The following PLCL2 variants were observed in gnomAD, a reference collection of about 807,000 sequenced individuals.
The protein encoded by PLCL2 is phospholipase C like 2.
Under a neutral mutation model 79.6 loss-of-function variants are expected in PLCL2, and 4 were observed. The observed-to-expected ratio is 0.05, with a 90% CI of 0.02 to 0.11. PLCL2 has a LOEUF of 0.11. PLCL2 is among the 10% of genes least tolerant of loss of function. The pLI is 1.00. For synonymous variants in PLCL2, 484 were observed against 457.7 expected, an observed-to-expected ratio of 1.06 and a Z score of -0.73; for missense variants, 895 against 1,291.0, an observed-to-expected ratio of 0.69 and a Z score of 4.70.
intron 1 of PLCL2, among the ~76,000 whole-genome samples, chr3:16,902,820 C>G (rs12489091): frequency 0.65 from 90,589 of 139,052 alleles, 29,554 homozygotes; most frequent in East Asian, 0.86. Context: ...GAGCTACACT[C>G]CATCTCAAAA....
At chr3:16,955,245 G>A (rs1393490538) in intron 1 of PLCL2, among the ~76,000 whole-genome samples, 1 of 152,128 alleles carries the variant, frequency 6.6e-6, no homozygotes, top group Non-Finnish European at 1.5e-5. Flanking sequence ...TTCTACATAT[G>A]GCTAGCCAGT....
At chr3:16,987,032 G>C (rs780398886) in intron 1 of PLCL2, among the ~76,000 whole-genome samples, 2 of 151,304 alleles carry the variant, frequency 1.3e-5, no homozygotes, top group African/African-American at 4.8e-5. Flanking sequence ...TGGGGTCTGG[G>C]TGCCAGACCC....
intron 1 of PLCL2, among the ~76,000 whole-genome samples, chr3:16,962,485 TTAA>T (rs2063764438): frequency 6.6e-6 from 1 of 151,910 alleles, no homozygotes; most frequent in Admixed American, 6.6e-5. Context: ...GTTCTCAATA[TTAA>T]TAATTCAGAG....
At chr3:16,939,994 A>G (rs1276272860) in intron 1 of PLCL2, among the ~76,000 whole-genome samples, 1 of 152,186 alleles carries the variant, frequency 6.6e-6, no homozygotes, top group African/African-American at 2.4e-5. Context: ...TTAAAAATCC[A>G]TATTTGAGAC....
chr3:17,083,692 A>G (rs1451567023), intron 5 of PLCL2, among the ~76,000 whole-genome samples: 1 of 152,176 alleles, frequency 6.6e-6, no homozygotes, highest in Non-Finnish European at 1.5e-5. Flanking sequence ...CTTTATATAT[A>G]TGTTTTGAAG....
At chr3:16,951,866 G>GT (rs1414855289) in intron 1 of PLCL2, among the ~76,000 whole-genome samples, 1 of 152,060 alleles carries the variant, frequency 6.6e-6, no homozygotes, top group Non-Finnish European at 1.5e-5. Context: ...GTTTGGGAAT[G>GT]TTTTTGAGTG....
In PLCL2 at chr3:17,014,905, T is replaced by C. The variant is rs1414464266; in HGVS notation, c.3012T>C (p.Tyr1004=). 1.9e-6 allele frequency: 3 copies of C among 1,612,374 alleles called. No individual in the cohort carries two copies. Among genetic ancestry groups the C allele is most frequent in the Admixed American group, 3.3e-5 (2 of 60,022 alleles). ...TTCTGAAGAAGATCGTAACAACTTATGACATGGTGAGTTGTCCTTTGTCCG... is the reference window on the plus strand; with the variant it reads ...TTCTGAAGAAGATCGTAACAACTTACGACATGGTGAGTTGTCCTTTGTCCG... ...PEVLKKIVTT[Y]DMMIQSLKAL... Residue 1004 remains tyrosine (Y), a synonymous_variant, in exon 3 of 6, where the codon TAT becomes TAC. Transcript: ENST00000615277.
chr3:16,978,561 TC>T (rs1486858627), intron 1 of PLCL2, among the ~76,000 whole-genome samples: 1 of 152,220 alleles, frequency 6.6e-6, no homozygotes, highest in Non-Finnish European at 1.5e-5. Flanking sequence ...CTTTTGCAGT[TC>T]AGTGGGTTTG....
intron 3 of PLCL2, among the ~76,000 whole-genome samples, chr3:17,023,263 C>T (rs1308931242): frequency 2.0e-5 from 3 of 152,214 alleles, no homozygotes; most frequent in Non-Finnish European, 4.4e-5. Flanking sequence ...ATTCCCTTGG[C>T]TCAACCTTTG....
Position 17,011,603 on chromosome 3 carries a change from C to T in PLCL2, c.2257C>T (p.Pro753Ser). The T allele has an allele frequency of 6.2e-7, 1 of 1,614,130 alleles. No homozygotes were observed. Among genetic ancestry groups the T allele is most frequent in the Middle Eastern group, 1.7e-4 (1 of 6,060 alleles). Residue 753 changes from proline to serine, a missense_variant, in exon 2 of 6, where the codon CCT becomes TCT. This residue lies in a region of PLCL2 where 23 missense variants were observed against 86.9 expected (regional missense o/e 0.26). Transcript: ENST00000615277. This position sits in a 1 kb window ranked among gnomAD's most constrained non-coding sequence, Gnocchi z 7.9. Reference protein sequence around the residue: ...NTKDSVPGVSPQLLHIKIISG... With the variant: ...NTKDSVPGVSSQLLHIKIISG... ...AAAAGACTCTGTCCCAGGGGTCTCA[C>T]CTCAACTTCTTCACATTAAAATCAT...
intron 1 of PLCL2, among the ~76,000 whole-genome samples, chr3:16,936,255 T>C (rs1223904542): frequency 6.6e-6 from 1 of 152,278 alleles, no homozygotes; most frequent in Non-Finnish European, 1.5e-5. Flanking sequence ...TTTTTGTTTT[T>C]AAATTCTGGA....
At chr3:17,083,324 T>C (rs1229503874) in intron 5 of PLCL2, among the ~76,000 whole-genome samples, 1 of 152,186 alleles carries the variant, frequency 6.6e-6, no homozygotes, top group Non-Finnish European at 1.5e-5. Flanking sequence ...GGGCATTCCC[T>C]GCAGAGGGAA....
intron 3 of PLCL2, among the ~76,000 whole-genome samples, chr3:17,017,139 C>G (rs754890772): frequency 4.6e-5 from 7 of 152,264 alleles, no homozygotes; most frequent in Non-Finnish European, 1.0e-4. Context: ...GGTTCCCTGC[C>G]TCTTCCTCTT....
rs114666388 is a variant in PLCL2 at position 16,945,963 on chromosome 3, T to C, written c.327+60597T>C. Among the ~76,000 whole-genome samples the C allele has an allele frequency of 7.5e-3, 1,150 of 152,344 alleles. 10 individuals carry two copies. The highest frequency in any genetic ancestry group is 0.012 in the Non-Finnish European group (792 of 68,022). ...TCATACGTTTCACTACTTTTCTCTT[T>C]TCCACCATCACATCGGATCCCTTTG... On this transcript the variant is annotated intron_variant, in intron 1 of 5. Transcript: ENST00000615277.
At chr3:16,920,467 T>A (rs963114198) in intron 1 of PLCL2, among the ~76,000 whole-genome samples, 1 of 152,144 alleles carries the variant, frequency 6.6e-6, no homozygotes, top group Non-Finnish European at 1.5e-5. Flanking sequence ...ACTATGATTA[T>A]ATGATAAATT....
intron 1 of PLCL2, among the ~76,000 whole-genome samples, chr3:16,925,178 C>T (rs1253111382): frequency 6.6e-6 from 1 of 151,668 alleles, no homozygotes; most frequent in Non-Finnish European, 1.5e-5. Context: ...CCACCTCAGC[C>T]TCCCAAAGTG....
intron 1 of PLCL2, among the ~76,000 whole-genome samples, chr3:16,928,405 G>A (rs573265227): frequency 9.2e-5 from 14 of 152,326 alleles, no homozygotes; most frequent in African/African-American, 3.4e-4. Flanking sequence ...TAATAATTGA[G>A]GCAAGGGACT....
intron 1 of PLCL2, among the ~76,000 whole-genome samples, chr3:16,946,409 AT>A (rs2063601006): frequency 6.6e-6 from 1 of 151,916 alleles, no homozygotes; most frequent in African/African-American, 2.4e-5. Flanking sequence ...TTTAAAAAAT[AT>A]TTTTAATTGA....
intron 5 of PLCL2, among the ~76,000 whole-genome samples, chr3:17,073,164 GT>G (rs1325339993): frequency 2.0e-5 from 3 of 152,212 alleles, no homozygotes. Context: ...AATCCTATGA[GT>G]TTTGACAAGT....
Sources: gnomAD v4.1 joint callset for allele counts (sites outside exome capture counted in the v4.1 genomes callset) on GRCh38, gnomAD v4.1.1 for gene constraint, gnomAD v4.1.1 regional missense constraint, Gnocchi (gnomAD v3.1) non-coding constraint, MANE v1.5 for transcripts, NCBI Gene and HGNC (gene_info 2026-07-23, HGNC 2026-07-21) for gene names.